Variants in SOX6 observed in about 807,000 individuals in gnomAD.
SOX6 encodes the protein SRY-box transcription factor 6.
A neutral mutation model predicts 97.8 loss-of-function variants in SOX6; 11 were observed. That is an observed-to-expected ratio of 0.11 (90% CI 0.07 to 0.19). The LOEUF is 0.19. SOX6 is among the 10% of genes least tolerant of loss of function. SOX6 has a pLI of 1.00. For missense variants in SOX6, 810 were observed against 1,039.5 expected (o/e 0.78, Z 3.04); for synonymous variants, 360 against 371.4 (o/e 0.97, Z 0.35).
intron 6 of SOX6, among the ~76,000 whole-genome samples, chr11:16,163,138 A>G (rs1412734939): frequency 1.3e-5 from 2 of 152,206 alleles, no homozygotes. Context: ...AAAAAGGAAG[A>G]TAAAAAGAAA....
At chr11:16,690,607 A>G (rs1848006107) in intron 3 of SOX6, among the ~76,000 whole-genome samples, 1 of 152,240 alleles carries the variant, frequency 6.6e-6, no homozygotes, top group African/African-American at 2.4e-5. Flanking sequence ...TGAAAATTGT[A>G]CTTTTTTAAA....
intron 2 of SOX6, among the ~76,000 whole-genome samples, chr11:16,330,526 C>T (rs957236542): frequency 6.6e-6 from 1 of 152,148 alleles, no homozygotes; most frequent in Admixed American, 6.6e-5. Context: ...CACTGCACTC[C>T]AGCCTGGGCG....
At chr11:16,080,122 A>G (rs1848441460) in intron 9 of SOX6, among the ~76,000 whole-genome samples, 1 of 151,926 alleles carries the variant, frequency 6.6e-6, no homozygotes, top group African/African-American at 2.4e-5. Flanking sequence ...ACACCAAAAA[A>G]AAAATAAGGC....
chr11:16,570,884 G>A lies in SOX6; in HGVS notation n.609+41197C>T, dbSNP rs1234980143. 2.6e-5 allele frequency among the ~76,000 whole-genome samples: 4 copies of A among 152,134 alleles called. No individual in the cohort carries two copies. The South Asian group carries it at 8.3e-4, about 32-fold the overall frequency. On this transcript the variant is annotated intron_variant and non_coding_transcript_variant, in intron 4 of 5. Coordinates refer to the SOX6 transcript ENST00000524520. Reference sequence around the variant, plus strand: ...ATTAGGATTTCTGTAGCTGGCAGAAGTAAAAGGATTGAAACAATATTGGTA... The same window carrying A: ...ATTAGGATTTCTGTAGCTGGCAGAAATAAAAGGATTGAAACAATATTGGTA...
chr11:16,477,113 A>G (rs1381894999), upstream of SOX6, among the ~76,000 whole-genome samples: 3 of 152,194 alleles, frequency 2.0e-5, no homozygotes, highest in Non-Finnish European at 1.5e-5. Flanking sequence ...AATACAGCAT[A>G]TTTTTAGTTC....
chr11:16,003,970 G>A (rs1854477295), intron 13 of SOX6, among the ~76,000 whole-genome samples: 1 of 151,380 alleles, frequency 6.6e-6, no homozygotes, highest in Admixed American at 6.6e-5. Context: ...TATTAAATCT[G>A]AAAACTATTC....
intron 1 of SOX6, among the ~76,000 whole-genome samples, 117 bp downstream of exon 1, chr11:16,355,977 C>T (rs955601631): frequency 2.6e-5 from 4 of 152,032 alleles, no homozygotes; most frequent in African/African-American, 9.7e-5. Context: ...ATAACATAAG[C>T]TTTTCTTAAC....
At chr11:16,358,484 G>T (rs951498472), upstream of SOX6, among the ~76,000 whole-genome samples, 1 of 152,084 alleles carries the variant, frequency 6.6e-6, no homozygotes, top group Non-Finnish European at 1.5e-5. Flanking sequence ...TCTAGCAGCT[G>T]AACAGAACAC....
At chr11:16,504,222 A>G (rs1187369748) in intron 4 of SOX6, among the ~76,000 whole-genome samples, 6 of 152,164 alleles carry the variant, frequency 3.9e-5, no homozygotes, top group African/African-American at 1.4e-4. Context: ...CCTATTCAAC[A>G]TAATACTGAA....
chr11:16,345,717 T>C (rs1002971712), intron 1 of SOX6, among the ~76,000 whole-genome samples: 3 of 152,072 alleles, frequency 2.0e-5, no homozygotes, highest in African/African-American at 7.2e-5. Flanking sequence ...TCATATTTTC[T>C]AGAACTTTTC....
At chr11:16,426,769 C>T (rs952712495) in intron 1 of SOX6, among the ~76,000 whole-genome samples, 13 of 151,290 alleles carry the variant, frequency 8.6e-5, no homozygotes, top group Non-Finnish European at 1.5e-4. Flanking sequence ...AAAAAATTAG[C>T]CGGGCGTAGT....
intron 4 of SOX6, among the ~76,000 whole-genome samples, chr11:16,578,301 A>G (rs1040859186): frequency 6.6e-6 from 1 of 152,202 alleles, no homozygotes; most frequent in African/African-American, 2.4e-5. Context: ...TAATTTGAAA[A>G]GAAGATTTCA....
intron 6 of SOX6, among the ~76,000 whole-genome samples, chr11:16,167,931 G>A (rs1208925828): frequency 6.6e-6 from 1 of 152,114 alleles, no homozygotes; most frequent in East Asian, 1.9e-4. Flanking sequence ...GCAGAGCAGG[G>A]ATTTTTGTAG....
At chr11:16,624,184 T>TCTTATTTATTTA (rs1848589518) in intron 3 of SOX6, among the ~76,000 whole-genome samples, 1 of 147,232 alleles carries the variant, frequency 6.8e-6, no homozygotes, top group Non-Finnish European at 1.5e-5. Flanking sequence ...TATTTTTTTA[T>TCTTATTTATTTA]TTTATTTATT....
intron 15 of SOX6, among the ~76,000 whole-genome samples, chr11:15,979,444 T>C (rs985862362): frequency 6.6e-6 from 1 of 152,084 alleles, no homozygotes; most frequent in Non-Finnish European, 1.5e-5. Flanking sequence ...TATAGAGTGA[T>C]CCTTTCAAAA....
chr11:16,524,660 G>A (rs1191636649), intron 4 of SOX6, among the ~76,000 whole-genome samples: 3 of 151,878 alleles, frequency 2.0e-5, no homozygotes, highest in Non-Finnish European at 2.9e-5. Context: ...GGAAATAAAG[G>A]GTATTCAATT....
intron 9 of SOX6, among the ~76,000 whole-genome samples, chr11:16,079,144 A>T: frequency 6.6e-6 from 1 of 152,168 alleles, no homozygotes. Context: ...GCCCACAATG[A>T]CTGCCAAGGA....
intron 1 of SOX6, 117 bp from the exon 2 acceptor site, chr11:16,341,369 T>C: frequency 7.0e-7 from 1 of 1,421,420 alleles, no homozygotes; most frequent in Admixed American, 2.4e-5. Flanking sequence ...GAGATATTTG[T>C]GGTCCACTCT....
chr11:16,594,131 T>C (rs1848183831), intron 4 of SOX6, among the ~76,000 whole-genome samples: 1 of 152,222 alleles, frequency 6.6e-6, no homozygotes, highest in South Asian at 2.1e-4. Context: ...TCTCATTCTT[T>C]CCCTGTCATG....
Sources: gnomAD v4.1 joint callset for allele counts (sites outside exome capture counted in the v4.1 genomes callset) on GRCh38, gnomAD v4.1.1 for gene constraint, MANE v1.5 for transcripts, NCBI Gene and HGNC (gene_info 2026-07-23, HGNC 2026-07-21) for gene names.